NALF1: variants seen among roughly 807,000 people sequenced by gnomAD.
The protein encoded by NALF1 is NALCN channel auxiliary factor 1, also known as family with sequence similarity 155 member A.
In NALF1, 3 loss-of-function variants were observed where a neutral mutation model predicts 48.4. The ratio of observed to expected loss-of-function variants is 0.06; its 90% CI spans 0.03 to 0.16. The LOEUF (loss-of-function observed/expected upper bound fraction) is 0.16, where lower values mean the gene tolerates loss of function less well. Ranked by LOEUF, NALF1 falls within the 10% of genes least tolerant of loss-of-function variation. The pLI is 1.00. For missense variants in NALF1, 526 were observed against 571.5 expected (o/e 0.92, Z 0.81); for synonymous variants, 262 against 245.7 (o/e 1.07, Z -0.62).
At chr13:107,419,932 A>G (rs533968868) in intron 1 of NALF1, among the ~76,000 whole-genome samples, 1 of 151,972 alleles carries the variant, frequency 6.6e-6, no homozygotes, top group Non-Finnish European at 1.5e-5. Flanking sequence ...ATTTACTTAT[A>G]TGTTACATGT....
intron 1 of NALF1, among the ~76,000 whole-genome samples, chr13:107,290,189 A>ACT (rs1566475936): frequency 1.5e-5 from 1 of 65,712 alleles, no homozygotes; most frequent in Non-Finnish European, 2.8e-5. Context: ...AAAAAAAACA[A>ACT]AAAAAAAAAC....
intron 2 of NALF1, among the ~76,000 whole-genome samples, chr13:107,187,754 G>T (rs1215855793): frequency 6.6e-6 from 1 of 152,064 alleles, no homozygotes; most frequent in Non-Finnish European, 1.5e-5. Flanking sequence ...ATCACCCATG[G>T]GTCCTATGGG....
chr13:107,712,616 G>A (rs1875636139), intron 1 of NALF1, among the ~76,000 whole-genome samples: 1 of 152,206 alleles, frequency 6.6e-6, no homozygotes, highest in Non-Finnish European at 1.5e-5. Context: ...ACAAAGCCGA[G>A]CCCCAGCTTC....
intron 1 of NALF1, among the ~76,000 whole-genome samples, chr13:107,628,807 T>G (rs750642046): frequency 6.6e-6 from 1 of 152,208 alleles, no homozygotes; most frequent in Non-Finnish European, 1.5e-5. Flanking sequence ...TTAATAATCA[T>G]GGCATCTAGA....
intron 1 of NALF1, among the ~76,000 whole-genome samples, chr13:107,637,422 T>C (rs73597311): frequency 0.016 from 2,505 of 152,192 alleles, 76 homozygotes; most frequent in African/African-American, 0.057. Flanking sequence ...TCAAGGTACT[T>C]CCTTCCAAAA....
chr13:107,763,846 G>A (rs1252486525), intron 1 of NALF1, among the ~76,000 whole-genome samples: 2 of 152,066 alleles, frequency 1.3e-5, no homozygotes, highest in East Asian at 3.8e-4. Flanking sequence ...CAACCATTAG[G>A]GGTCTACCGT....
intron 1 of NALF1, among the ~76,000 whole-genome samples, chr13:107,664,775 A>G (rs1191814054): frequency 5.3e-5 from 8 of 152,144 alleles, no homozygotes; most frequent in Non-Finnish European, 1.2e-4. Flanking sequence ...GTGAGATACT[A>G]TACATTCATC....
chr13:107,599,608 AAACT>A (rs1271477641), intron 1 of NALF1, among the ~76,000 whole-genome samples: 103 of 152,310 alleles, frequency 6.8e-4, no homozygotes, highest in African/African-American at 2.2e-3. Flanking sequence ...TAATGAGCAT[AAACT>A]AACATTTTAT....
chr13:107,418,216 C>G (rs959406017), intron 1 of NALF1, among the ~76,000 whole-genome samples: 1 of 152,006 alleles, frequency 6.6e-6, no homozygotes, highest in Admixed American at 6.6e-5. Flanking sequence ...GGAGACTATC[C>G]CTATGCAGGA....
At chr13:107,184,663 C>A (rs1406901570) in intron 2 of NALF1, among the ~76,000 whole-genome samples, 1 of 152,158 alleles carries the variant, frequency 6.6e-6, no homozygotes, top group Non-Finnish European at 1.5e-5. Flanking sequence ...TTTCACTCTT[C>A]TTCCCTAGTT....
intron 1 of NALF1, among the ~76,000 whole-genome samples, chr13:107,821,150 A>G (rs921182407): frequency 1.3e-5 from 2 of 151,844 alleles, no homozygotes; most frequent in African/African-American, 4.8e-5. Flanking sequence ...TTACTTGTTT[A>G]TTTGTAGTTT....
chr13:107,176,342 GAATT>G (rs1878929885), intron 2 of NALF1, among the ~76,000 whole-genome samples: 1 of 102,532 alleles, frequency 9.8e-6, no homozygotes, highest in South Asian at 3.3e-4. Flanking sequence ...TTTTTTTTGA[GAATT>G]AAATAATACA....
chr13:107,824,979 G>GA lies in NALF1; in HGVS notation c.915+40702dup, dbSNP rs546793918. 2.6e-4 allele frequency among the ~76,000 whole-genome samples: 40 copies of GA among 152,114 alleles called. 1 individual carries two copies. The highest frequency in any genetic ancestry group is 7.2e-4 in the Admixed American group (11 of 15,264). ...ATACTAGGACATGATCCCAAACCACGAATCTAGTAGCTACAATGCTTTTGT... is the reference window on the plus strand; with the variant it reads ...ATACTAGGACATGATCCCAAACCACGAAATCTAGTAGCTACAATGCTTTTGT... On this transcript the variant is annotated intron_variant, in intron 1 of 2. Transcript: ENST00000375915.
chr13:107,517,657 AAAC>A (rs1876105273), intron 1 of NALF1, among the ~76,000 whole-genome samples: 1 of 147,434 alleles, frequency 6.8e-6, no homozygotes, highest in Non-Finnish European at 1.5e-5. Context: ...ACAAACAAAC[AAAC>A]AAAAAACACT....
At chr13:107,312,350 C>T (rs1351667942) in intron 1 of NALF1, among the ~76,000 whole-genome samples, 1 of 151,846 alleles carries the variant, frequency 6.6e-6, no homozygotes, top group African/African-American at 2.4e-5. Context: ...CATGTTCTCA[C>T]TCATAGGTGG....
intron 1 of NALF1, among the ~76,000 whole-genome samples, chr13:107,816,265 T>G (rs978264924): frequency 1.3e-5 from 2 of 152,170 alleles, no homozygotes; most frequent in African/African-American, 2.4e-5. Context: ...AAGAGTGAAT[T>G]GAATGATAGA....
At chr13:107,682,411 C>T (rs1429794847) in intron 1 of NALF1, among the ~76,000 whole-genome samples, 1 of 151,964 alleles carries the variant, frequency 6.6e-6, no homozygotes, top group Admixed American at 6.5e-5. Flanking sequence ...ACAGGCAGCA[C>T]TCTCCCCTCC....
At chr13:107,185,983 T>C (rs1000866767) in intron 2 of NALF1, among the ~76,000 whole-genome samples, 1 of 152,176 alleles carries the variant, frequency 6.6e-6, no homozygotes, top group South Asian at 2.1e-4. Context: ...AAACAATCCA[T>C]GAATTCTAAA....
intron 1 of NALF1, among the ~76,000 whole-genome samples, chr13:107,431,737 G>A (rs1477261671): frequency 6.6e-6 from 1 of 152,070 alleles, no homozygotes; most frequent in Non-Finnish European, 1.5e-5. Context: ...TCTCTGTAAT[G>A]CTCCTCTTCT....
Sources: allele counts gnomAD v4.1 joint callset (sites outside exome capture counted in the v4.1 genomes callset), GRCh38; gene constraint gnomAD v4.1.1; transcripts MANE v1.5; gene names NCBI Gene and HGNC (gene_info 2026-07-23, HGNC 2026-07-21).